Variants in PRKAR1B observed in about 807,000 individuals in gnomAD.
The protein encoded by PRKAR1B is cAMP-dependent protein kinase type I-beta regulatory subunit.
Under a neutral mutation model 46.5 loss-of-function variants are expected in PRKAR1B, and 22 were observed. The observed-to-expected ratio is 0.47, with a 90% CI of 0.34 to 0.68. The LOEUF (loss-of-function observed/expected upper bound fraction) is 0.68. Ranked by LOEUF, PRKAR1B falls within the 30% of genes least tolerant of loss-of-function variation. PRKAR1B has a pLI of 0.01. For synonymous variants in PRKAR1B, 259 were observed against 217.7 expected (o/e 1.19, Z -1.67); for missense variants, 445 against 535.6 (o/e 0.83, Z 1.67).
At chr7:678,006 C>T (rs2128505978) in intron 3 of PRKAR1B, among the ~76,000 whole-genome samples, 1 of 152,294 alleles carries the variant, frequency 6.6e-6, no homozygotes, top group South Asian at 2.1e-4. Flanking sequence ...CACGGTGGCT[C>T]ACGCCTGTAA....
At chr7:695,238 G>C (rs577681666) in intron 2 of PRKAR1B, among the ~76,000 whole-genome samples, 1 of 152,202 alleles carries the variant, frequency 6.6e-6, no homozygotes, top group Non-Finnish European at 1.5e-5. Flanking sequence ...AGAGGTGGCC[G>C]GCGAGAAAGG....
At chr7:649,789 G>C (rs892696863) in intron 4 of PRKAR1B, among the ~76,000 whole-genome samples, 22 of 151,282 alleles carry the variant, frequency 1.5e-4, no homozygotes, top group Admixed American at 5.9e-4. Flanking sequence ...TGCTCTCAAA[G>C]TCCTGGACTG....
At chr7:691,378 G>C (rs185751848) in intron 2 of PRKAR1B, among the ~76,000 whole-genome samples, 22 of 152,354 alleles carry the variant, frequency 1.4e-4, no homozygotes, top group African/African-American at 5.1e-4. Context: ...TCCTCTAAAA[G>C]CAGTGAGATT....
At chr7:691,538 A>G (rs1431544548) in intron 2 of PRKAR1B, 1 of 1,304,474 alleles carries the variant, frequency 7.7e-7, no homozygotes, top group Non-Finnish European at 1.0e-6. Flanking sequence ...GCTGGGCATT[A>G]CCAGTGGATC....
intron 9 of PRKAR1B, 40 bp from the exon 10 acceptor site, chr7:551,510 G>A (rs200525557): frequency 4.3e-5 from 66 of 1,541,116 alleles, no homozygotes; most frequent in Middle Eastern, 4.2e-4. Context: ...CCAGCCAGGC[G>A]GGTGCAGGGT....
chr7:584,172 C>T lies in PRKAR1B; in HGVS notation c.769+336G>A, dbSNP rs576554878. Reference sequence around the variant, plus strand: ...ACCGGGAGCCAACACTGGCTTTCAGCTCTACACGGACTGGTGTGGAGGGAA... The same window carrying T: ...ACCGGGAGCCAACACTGGCTTTCAGTTCTACACGGACTGGTGTGGAGGGAA... On this transcript the variant is annotated intron_variant, in intron 8 of 10. Coordinates refer to ENST00000537384, the MANE Select transcript of PRKAR1B (RefSeq NM_001164760.2). Among the ~76,000 whole-genome samples the T allele has an allele frequency of 1.5e-4, 22 of 151,548 alleles. No individual in the cohort carries two copies. The East Asian group carries it at 3.9e-3, about 27-fold the overall frequency.
At chr7:658,770 C>T (rs1479270058) in intron 4 of PRKAR1B, among the ~76,000 whole-genome samples, 1 of 152,134 alleles carries the variant, frequency 6.6e-6, no homozygotes, top group South Asian at 2.1e-4. Context: ...CCTGCCTCAG[C>T]CTCCTGAGTA....
intron 4 of PRKAR1B, among the ~76,000 whole-genome samples, chr7:649,405 T>C (rs767008049): frequency 1.9e-4 from 29 of 152,354 alleles, no homozygotes; most frequent in Admixed American, 4.6e-4. Flanking sequence ...GCATCATATT[T>C]TTCTTCAGGA....
chr7:709,479 T>A (rs542120660), intron 2 of PRKAR1B, among the ~76,000 whole-genome samples: 1 of 151,018 alleles, frequency 6.6e-6, no homozygotes, highest in South Asian at 2.1e-4. Context: ...CACGCCATTC[T>A]CCTGCCTCAG....
At chr7:568,753 T>C (rs1779321177) in intron 9 of PRKAR1B, among the ~76,000 whole-genome samples, 1 of 152,194 alleles carries the variant, frequency 6.6e-6, no homozygotes, top group Admixed American at 6.5e-5. Flanking sequence ...TTTACGGCAA[T>C]AGTCTTTGCA....
intron 9 of PRKAR1B, among the ~76,000 whole-genome samples, chr7:562,265 C>T (rs932097907): frequency 7.4e-5 from 11 of 147,976 alleles, no homozygotes; most frequent in Non-Finnish European, 1.5e-4. Context: ...GTGGGGGCAG[C>T]CATTCCTGCT....
At chr7:629,330 A>G (rs1039585929) in intron 4 of PRKAR1B, among the ~76,000 whole-genome samples, 1 of 149,916 alleles carries the variant, frequency 6.7e-6, no homozygotes, top group African/African-American at 2.5e-5. Flanking sequence ...GAGCGGGGCC[A>G]CGGCCTCCGA....
intron 4 of PRKAR1B, among the ~76,000 whole-genome samples, chr7:633,013 C>G (rs919368568): frequency 6.6e-6 from 1 of 152,240 alleles, no homozygotes; most frequent in East Asian, 1.9e-4. Context: ...GCGCGCGGGT[C>G]GTAGTGAGAT....
chr7:713,511 A>C (rs1048655860), intron 1 of PRKAR1B, among the ~76,000 whole-genome samples: 2 of 151,260 alleles, frequency 1.3e-5, no homozygotes, highest in African/African-American at 4.9e-5. Flanking sequence ...TTCCACACTC[A>C]CCTGTACACA....
intron 4 of PRKAR1B, among the ~76,000 whole-genome samples, chr7:648,898 T>C (rs1233515227): frequency 6.6e-6 from 1 of 152,158 alleles, no homozygotes; most frequent in African/African-American, 2.4e-5. Flanking sequence ...GCACGGTGGC[T>C]CACACCTGTA....
At chr7:636,986 C>T (rs907426573) in intron 4 of PRKAR1B, among the ~76,000 whole-genome samples, 9 of 152,200 alleles carry the variant, frequency 5.9e-5, no homozygotes, top group Admixed American at 3.9e-4. Context: ...GCTCCAGGAC[C>T]AGTCAGAAAC....
intron 4 of PRKAR1B, among the ~76,000 whole-genome samples, chr7:633,058 C>A (rs757493911): frequency 6.6e-6 from 1 of 152,238 alleles, no homozygotes; most frequent in Non-Finnish European, 1.5e-5. Flanking sequence ...CGACGCCATG[C>A]GTGTGAATTC....
rs766825744 is a variant in PRKAR1B at position 717,244 on chromosome 7, A to C, written c.-22-5717T>G. Among the ~76,000 whole-genome samples, 4 of 152,024 alleles carry C rather than the reference A, an allele frequency of 2.6e-5. No homozygotes were observed. The South Asian group carries it at 8.3e-4, about 32-fold the overall frequency. Reference sequence around the variant, plus strand: ...GCAGAGGTCATAGTGAGCTGAGAGCATGCCACTCCGTTCCAGCCTGGGCAA... The same window carrying C: ...GCAGAGGTCATAGTGAGCTGAGAGCCTGCCACTCCGTTCCAGCCTGGGCAA... On this transcript the variant is annotated intron_variant, in intron 1 of 10. Transcript: ENST00000537384.
chr7:596,721 G>A (rs566138269), intron 6 of PRKAR1B, among the ~76,000 whole-genome samples: 1 of 152,236 alleles, frequency 6.6e-6, no homozygotes, highest in East Asian at 1.9e-4. Flanking sequence ...TGATGAGCTG[G>A]AGCCTGTGAT....
Sources: gnomAD v4.1 joint callset for allele counts (sites outside exome capture counted in the v4.1 genomes callset) on GRCh38, gnomAD v4.1.1 for gene constraint, MANE v1.5 for transcripts, NCBI Gene and HGNC (gene_info 2026-07-23, HGNC 2026-07-21) for gene names.